PDE1C: variants seen among roughly 807,000 people sequenced by gnomAD.
The protein encoded by PDE1C is dual specificity calcium/calmodulin-dependent 3',5'-cyclic nucleotide phosphodiesterase 1C.
PDE1C carries 62 observed loss-of-function variants against 93.1 expected under a neutral mutation model. That is an observed-to-expected ratio of 0.67 (90% confidence interval 0.54 to 0.82). The LOEUF (loss-of-function observed/expected upper bound fraction) is 0.82. Among genes scored for constraint, PDE1C ranks in the 40% least tolerant of loss-of-function variants. The pLI is 0.00. For missense variants in PDE1C, 742 were observed against 884.6 expected, an observed-to-expected ratio of 0.84 and a Z score of 2.04; for synonymous variants, 325 against 310.1, an observed-to-expected ratio of 1.05 and a Z score of -0.50.
intron 16 of PDE1C, chr7:31,785,934 C>A (rs1279407331): frequency 1.3e-5 from 2 of 152,096 alleles, no homozygotes; most frequent in Non-Finnish European, 2.9e-5. Flanking sequence ...TCATTAAGTT[C>A]ATTTTCTTAG....
chr7:31,741,393 G>A, the PDE1C span, among the ~76,000 whole-genome samples: 1 of 151,938 alleles, frequency 6.6e-6, no homozygotes, highest in Non-Finnish European at 1.5e-5. Context: ...ATCTTTAACT[G>A]TTCCTATTCT....
At chr7:32,118,424 G>C (rs898428642) in intron 3 of PDE1C, among the ~76,000 whole-genome samples, 1 of 152,166 alleles carries the variant, frequency 6.6e-6, no homozygotes, top group Non-Finnish European at 1.5e-5. Context: ...CCTAACCGTA[G>C]CTAGTGAGGC....
chr7:32,218,207 C>A (rs1486352937), intron 1 of PDE1C, among the ~76,000 whole-genome samples: 1 of 152,218 alleles, frequency 6.6e-6, no homozygotes, highest in Non-Finnish European at 1.5e-5. Flanking sequence ...GGCATCACAA[C>A]CCCCACTCTG....
chr7:31,641,697 G>A, the PDE1C span, among the ~76,000 whole-genome samples: 2 of 152,130 alleles, frequency 1.3e-5, no homozygotes, highest in Admixed American at 6.6e-5. Flanking sequence ...TCTAAAACAT[G>A]AGCACAAACT....
chr7:31,684,695 G>A, the PDE1C span, among the ~76,000 whole-genome samples: 10 of 152,110 alleles, frequency 6.6e-5, no homozygotes, highest in Admixed American at 5.2e-4. Flanking sequence ...TGCACAGAAT[G>A]CAAATTAAAA....
intron 1 of PDE1C, among the ~76,000 whole-genome samples, chr7:32,384,463 C>T (rs1277392637): frequency 2.0e-5 from 3 of 152,244 alleles, no homozygotes; most frequent in African/African-American, 7.2e-5. Flanking sequence ...CAGATATGTA[C>T]GGTGACAGAT....
At chr7:31,860,981 A>T (rs1794624002) in intron 7 of PDE1C, among the ~76,000 whole-genome samples, 1 of 152,054 alleles carries the variant, frequency 6.6e-6, no homozygotes, top group African/African-American at 2.4e-5. Flanking sequence ...TAAGTTGTCT[A>T]TAGTCATGTC....
At chr7:31,709,967 CAGAG>C in the PDE1C span, among the ~76,000 whole-genome samples, 1 of 151,970 alleles carries the variant, frequency 6.6e-6, no homozygotes, top group Non-Finnish European at 1.5e-5. Flanking sequence ...CTGGGCAACA[CAGAG>C]AGACTCTGTC....
At chr7:32,410,063 C>G (rs1447203080) in intron 1 of PDE1C, among the ~76,000 whole-genome samples, 3 of 152,078 alleles carry the variant, frequency 2.0e-5, no homozygotes, top group Non-Finnish European at 4.4e-5. Flanking sequence ...AAAACTATTA[C>G]ATATGATTAT....
At chr7:31,988,374 T>G (rs887476605) in intron 2 of PDE1C, among the ~76,000 whole-genome samples, 2 of 152,202 alleles carry the variant, frequency 1.3e-5, no homozygotes, top group Non-Finnish European at 2.9e-5. Context: ...ATAAGTCACT[T>G]TTAAAGGTTT....
upstream of PDE1C, among the ~76,000 whole-genome samples, chr7:32,301,533 A>C (rs914173594): frequency 1.3e-5 from 2 of 152,222 alleles, no homozygotes; most frequent in Non-Finnish European, 1.5e-5. Context: ...CAGAATCATT[A>C]TCTCTCTCCC....
the PDE1C span, among the ~76,000 whole-genome samples, chr7:31,718,990 A>G: frequency 3.0e-4 from 46 of 152,168 alleles, no homozygotes; most frequent in African/African-American, 1.1e-3. Flanking sequence ...GCCAAACTTC[A>G]GCAGTGATGC....
chr7:31,775,123 G>A (rs914206482), intron 17 of PDE1C, among the ~76,000 whole-genome samples: 6 of 152,124 alleles, frequency 3.9e-5, no homozygotes, highest in Non-Finnish European at 7.3e-5. Flanking sequence ...AGATTGGGTC[G>A]AACAGAGGTC....
the PDE1C span, among the ~76,000 whole-genome samples, chr7:31,675,687 TAATA>T: frequency 6.6e-6 from 1 of 151,188 alleles, no homozygotes; most frequent in East Asian, 1.9e-4. Flanking sequence ...CATACAAATT[TAATA>T]AATATAATAA....
At chr7:31,649,727 A>G in the PDE1C span, among the ~76,000 whole-genome samples, 1 of 152,206 alleles carries the variant, frequency 6.6e-6, no homozygotes, top group Non-Finnish European at 1.5e-5. Context: ...TGGATTTCAA[A>G]GCATGATCCA....
chr7:32,398,302 C>A (rs368428623), intron 1 of PDE1C, among the ~76,000 whole-genome samples: 1,224 of 137,068 alleles, frequency 8.9e-3, no homozygotes, highest in Middle Eastern at 0.02. Flanking sequence ...GACTCCGTCT[C>A]AAAAAAAAAA....
rs114826575 is a variant in PDE1C, at chr7:32,368,497, T to A, written c.310+59325A>T. Among the ~76,000 whole-genome samples the A allele has an allele frequency of 2.2e-3, 331 of 151,828 alleles. 3 individuals carry two copies. The highest frequency in any genetic ancestry group is 7.6e-3 in the African/African-American group (315 of 41,398). ...AACTATAAAACACTAATGAAAAAAA[T>A]TAAAGAAGATAAAAACAAATTGGAA... On this transcript the variant is annotated intron_variant, in intron 1 of 1. Coordinates refer to the PDE1C transcript ENST00000672256.
At chr7:32,399,438 G>T (rs1784901303) in intron 1 of PDE1C, among the ~76,000 whole-genome samples, 1 of 152,122 alleles carries the variant, frequency 6.6e-6, no homozygotes, top group Non-Finnish European at 1.5e-5. Context: ...TGCTAGCATG[G>T]TTGGGTCCTG....
At chr7:31,740,154 C>G in the PDE1C span, among the ~76,000 whole-genome samples, 1 of 151,778 alleles carries the variant, frequency 6.6e-6, no homozygotes, top group East Asian at 1.9e-4. Context: ...GGCATTTCCA[C>G]TCTCTTTGAG....
Sources: allele counts gnomAD v4.1 joint callset (sites outside exome capture counted in the v4.1 genomes callset), GRCh38; gene constraint gnomAD v4.1.1; transcripts MANE v1.5; gene names NCBI Gene and HGNC (gene_info 2026-07-23, HGNC 2026-07-21).